GRID1: variants seen among roughly 807,000 people sequenced by gnomAD.
GRID1 encodes the protein glutamate receptor ionotropic, delta-1.
A neutral mutation model predicts 98.0 loss-of-function variants in GRID1; 28 were observed. The ratio of observed to expected loss-of-function variants is 0.29; its 90% CI spans 0.21 to 0.39. GRID1 has a LOEUF of 0.39. GRID1 is among the 10% of genes least tolerant of loss of function. The pLI, the probability that GRID1 is intolerant of heterozygous loss-of-function variation, is 1.00. For synonymous variants in GRID1, 553 were observed against 538.5 expected (o/e 1.03, Z -0.37); for missense variants, 1,111 against 1,340.5 (o/e 0.83, Z 2.67).
intron 8 of GRID1, among the ~76,000 whole-genome samples, chr10:85,822,631 G>A (rs1379883561): frequency 2.0e-5 from 3 of 152,262 alleles, no homozygotes; most frequent in Admixed American, 6.5e-5. Flanking sequence ...TCGGTGTGGC[G>A]ATTCCTCAGG....
chr10:85,717,795 G>A (rs1471040261), intron 12 of GRID1, among the ~76,000 whole-genome samples: 4 of 152,160 alleles, frequency 2.6e-5, no homozygotes, highest in African/African-American at 9.7e-5. Context: ...TCAAAAGCAA[G>A]CTAGTTACTT....
intron 4 of GRID1, among the ~76,000 whole-genome samples, chr10:86,002,393 G>C (rs184951284): frequency 6.6e-6 from 1 of 152,098 alleles, no homozygotes; most frequent in Non-Finnish European, 1.5e-5. Flanking sequence ...AAACAGAGCT[G>C]CCCCTGAGTT....
chr10:85,883,506 CTCTG>C (rs1404230780), intron 5 of GRID1, among the ~76,000 whole-genome samples: 2 of 145,458 alleles, frequency 1.4e-5, no homozygotes, highest in South Asian at 2.1e-4. Flanking sequence ...CTCTCTCTCT[CTCTG>C]TCTCTCTCTC....
intron 5 of GRID1, among the ~76,000 whole-genome samples, chr10:85,876,907 T>C (rs181165071): frequency 6.6e-6 from 1 of 152,328 alleles, no homozygotes; most frequent in East Asian, 1.9e-4. Flanking sequence ...CCCACCCCAA[T>C]ACTGCGCTTT....
At chr10:85,976,878 A>G (rs1485078025) in intron 4 of GRID1, among the ~76,000 whole-genome samples, 1 of 152,202 alleles carries the variant, frequency 6.6e-6, no homozygotes, top group East Asian at 1.9e-4. Context: ...AATATATCAC[A>G]TGGGTGCAGG....
At chr10:86,353,543 C>A (rs1339817486) in intron 2 of GRID1, among the ~76,000 whole-genome samples, 1 of 146,482 alleles carries the variant, frequency 6.8e-6, no homozygotes, top group Non-Finnish European at 1.5e-5. Context: ...CCTCCCGTTC[C>A]AGCAGTGTGA....
intron 2 of GRID1, among the ~76,000 whole-genome samples, chr10:86,288,140 T>C (rs1329824139): frequency 3.3e-5 from 5 of 152,142 alleles, no homozygotes; most frequent in African/African-American, 9.7e-5. Flanking sequence ...GAGACTCACA[T>C]CTGCCCACCT....
intron 8 of GRID1, among the ~76,000 whole-genome samples, chr10:85,842,125 C>G (rs576582478): frequency 6.6e-6 from 1 of 152,070 alleles, no homozygotes; most frequent in African/African-American, 2.4e-5. Context: ...ACATATATAC[C>G]CTAGAATACT....
intron 2 of GRID1, among the ~76,000 whole-genome samples, chr10:86,354,521 C>T (rs1848507649): frequency 6.6e-6 from 1 of 152,270 alleles, no homozygotes; most frequent in South Asian, 2.1e-4. Context: ...TCCTGCTGGC[C>T]ATACGTCCTC....
chr10:85,897,993 C>A (rs572088986), intron 5 of GRID1, among the ~76,000 whole-genome samples: 53 of 152,212 alleles, frequency 3.5e-4, no homozygotes, highest in African/African-American at 1.2e-3. Context: ...GGGATATGTT[C>A]TGAGAAATGT....
At chr10:86,296,225 G>A (rs1169339216) in intron 2 of GRID1, among the ~76,000 whole-genome samples, 1 of 152,196 alleles carries the variant, frequency 6.6e-6, no homozygotes, top group Admixed American at 6.5e-5. Context: ...TGACAAGAAG[G>A]AAAATGCTAT....
chr10:86,154,720 C>T (rs765417958), intron 3 of GRID1, among the ~76,000 whole-genome samples: 5 of 152,158 alleles, frequency 3.3e-5, no homozygotes, highest in Admixed American at 2.0e-4. Context: ...AGTAGAAGCT[C>T]GAGTCCAACA....
intron 2 of GRID1, among the ~76,000 whole-genome samples, chr10:86,280,339 C>T (rs984384919): frequency 6.6e-6 from 1 of 152,168 alleles, no homozygotes; most frequent in African/African-American, 2.4e-5. Flanking sequence ...ACCATGACAA[C>T]TTATCCTTCA....
chr10:86,135,960 G>A (rs1030751257), intron 4 of GRID1, among the ~76,000 whole-genome samples: 5 of 152,160 alleles, frequency 3.3e-5, no homozygotes, highest in Non-Finnish European at 5.9e-5. Flanking sequence ...GTACCATCCC[G>A]GATGCTGCAT....
intron 7 of GRID1, among the ~76,000 whole-genome samples, chr10:85,855,595 A>G (rs560726589): frequency 2.0e-5 from 3 of 152,214 alleles, no homozygotes; most frequent in Non-Finnish European, 2.9e-5. Flanking sequence ...TCATCCATAG[A>G]TTACTCAATT....
At position 86,136,665 on chromosome 10, in the gene GRID1, C is replaced by G. The variant is rs1443502171; in HGVS notation, c.726+2154G>C. Among the ~76,000 whole-genome samples the G allele has an allele frequency of 2.0e-5, 3 of 152,204 alleles. No homozygotes were observed. The East Asian group carries it at 5.8e-4, about 29-fold the overall frequency. ...CCTACTAATGACAGGCGCATGAGAA[C>G]AGGGATCAAGACTCTTATCATCGGC... On this transcript the variant is annotated intron_variant, in intron 4 of 15. Transcript: ENST00000327946.
intron 8 of GRID1, among the ~76,000 whole-genome samples, chr10:85,830,058 A>G (rs545750021): frequency 6.6e-6 from 1 of 152,354 alleles, no homozygotes; most frequent in East Asian, 1.9e-4. Flanking sequence ...ACTTCAAACT[A>G]TACTACAAGG....
intron 14 of GRID1, 48 bp from the exon 15 acceptor site, chr10:85,613,695 C>T: frequency 6.3e-7 from 1 of 1,580,360 alleles, no homozygotes; most frequent in Non-Finnish European, 8.6e-7. Context: ...GTCATCAACT[C>T]AGCCACCGGG....
At chr10:86,036,056 G>A (rs1263948527) in intron 4 of GRID1, among the ~76,000 whole-genome samples, 2 of 152,086 alleles carry the variant, frequency 1.3e-5, no homozygotes, top group Non-Finnish European at 2.9e-5. Context: ...AAAAAGGGAA[G>A]GCAGGTGATC....
Sources: allele counts gnomAD v4.1 joint callset (sites outside exome capture counted in the v4.1 genomes callset), GRCh38; gene constraint gnomAD v4.1.1; transcripts MANE v1.5; gene names NCBI Gene and HGNC (gene_info 2026-07-23, HGNC 2026-07-21).